The following PLCG2 variants were observed in gnomAD, a reference collection of about 807,000 sequenced individuals.
PLCG2 encodes the protein 1-phosphatidylinositol 4,5-bisphosphate phosphodiesterase gamma-2.
A neutral mutation model predicts 175.6 loss-of-function variants in PLCG2; 69 were observed. The observed-to-expected ratio is 0.39, with a 90% CI of 0.32 to 0.48. The LOEUF is 0.48. PLCG2 is among the 20% of genes least tolerant of loss of function. The pLI is 0.91. For synonymous variants in PLCG2, 827 were observed against 624.0 expected (o/e 1.33, Z -4.85); for missense variants, 1,798 against 1,650.9 (o/e 1.09, Z -1.54).
At chr16:81,884,429 G>C (rs1437067045) in intron 9 of PLCG2, among the ~76,000 whole-genome samples, 1 of 151,870 alleles carries the variant, frequency 6.6e-6, no homozygotes, top group Admixed American at 6.6e-5. Flanking sequence ...AGTACCTACA[G>C]TGCTGAGGAC....
At chr16:81,778,032 C>CACACAA (rs1910498575), upstream of PLCG2, among the ~76,000 whole-genome samples, 2 of 58,710 alleles carry the variant, frequency 3.4e-5, no homozygotes, top group African/African-American at 1.7e-4. Context: ...AAAAAAAAAA[C>CACACAA]AAAAAAAAAA....
In PLCG2 at chr16:81,960,435, G is replaced by C; in HGVS notation, c.*2437G>C. 1 of 227,132 alleles carries C rather than the reference G, an allele frequency of 4.4e-6. No individual in the cohort carries two copies. Among genetic ancestry groups the C allele is most frequent in the Non-Finnish European group, 8.7e-6 (1 of 114,356 alleles). 14.1% of individuals were successfully genotyped at this position (227,132 alleles called of 1,614,324 possible). A position where few individuals can be genotyped will look rare whatever the true frequency, so the allele number is the denominator to read the frequency against. Reference sequence around the variant, plus strand: ...ACTGCATATGTATTACACTGTTTTTGTTCACCATTTTCCTAAGTGTGTTAT... The same window carrying C: ...ACTGCATATGTATTACACTGTTTTTCTTCACCATTTTCCTAAGTGTGTTAT... On this transcript the variant is annotated 3_prime_UTR_variant, in exon 33 of 33. Transcript: ENST00000564138.
chr16:81,952,680 G>A (rs781119410), intron 31 of PLCG2, among the ~76,000 whole-genome samples: 5 of 152,202 alleles, frequency 3.3e-5, no homozygotes, highest in Middle Eastern at 6.3e-3. Context: ...GTGAATGAAT[G>A]AATACATGAC....
chr16:81,777,610 C>T (rs183892919), upstream of PLCG2, among the ~76,000 whole-genome samples: 9 of 151,674 alleles, frequency 5.9e-5, no homozygotes, highest in South Asian at 1.5e-3. Context: ...CAGCTATACA[C>T]GCCAGTTGGG....
At chr16:81,845,485 G>T (rs1226492496) in intron 2 of PLCG2, among the ~76,000 whole-genome samples, 1 of 152,266 alleles carries the variant, frequency 6.6e-6, no homozygotes, top group Non-Finnish European at 1.5e-5. Context: ...TGAAGTTACT[G>T]TCCAAAGCTA....
chr16:81,859,766 GA>G (rs1906874551), intron 5 of PLCG2, among the ~76,000 whole-genome samples: 1 of 152,130 alleles, frequency 6.6e-6, no homozygotes, highest in Non-Finnish European at 1.5e-5. Context: ...TTGAACTCCT[GA>G]CCTTGTGATC....
At chr16:81,946,806 A>T (rs1234686576) in intron 31 of PLCG2, among the ~76,000 whole-genome samples, 1 of 152,064 alleles carries the variant, frequency 6.6e-6, no homozygotes, top group Non-Finnish European at 1.5e-5. Context: ...ATATAGAATT[A>T]GTGGGATCAA....
intron 2 of PLCG2, among the ~76,000 whole-genome samples, chr16:81,846,816 A>G: frequency 6.6e-6 from 1 of 152,216 alleles, no homozygotes; most frequent in East Asian, 1.9e-4. Context: ...CAGAGAAAGG[A>G]AAAATCAAGG....
Position 81,959,045 on chromosome 16 carries a change from C to T in PLCG2, c.*1047C>T. Reference sequence around the variant, plus strand: ...ATGTGCGGCTGGCCAGGGCTTTACACCTCTGCATCTTAAGTTGTTAATACA... The same window carrying T: ...ATGTGCGGCTGGCCAGGGCTTTACATCTCTGCATCTTAAGTTGTTAATACA... On this transcript the variant is annotated 3_prime_UTR_variant, in exon 33 of 33. Transcript: ENST00000564138. 1 of 223,052 alleles carries T rather than the reference C, an allele frequency of 4.5e-6. No homozygotes were observed. Among genetic ancestry groups the T allele is most frequent in the South Asian group, 1.8e-4 (1 of 5,442 alleles). 13.8% of individuals were successfully genotyped at this position (223,052 alleles called of 1,614,324 possible). A position where few individuals can be genotyped will look rare whatever the true frequency, so the allele number is the denominator to read the frequency against.
intron 2 of PLCG2, among the ~76,000 whole-genome samples, chr16:81,804,132 T>C (rs1249553155): frequency 6.6e-6 from 1 of 152,254 alleles, no homozygotes; most frequent in African/African-American, 2.4e-5. Context: ...GCCAAGACTG[T>C]TTGCCAAAGC....
rs534802412 is a variant in PLCG2 at position 81,760,979 on chromosome 16, C to T, written c.-48+5013C>T. On this transcript the variant is annotated intron_variant, in intron 2 of 5. Coordinates refer to the PLCG2 transcript ENST00000565054. ...AATGCAGTGGCGTGATCTCAGCTCA[C>T]GGCAACAGCGACCTCCTGGGCTCAG... Among the ~76,000 whole-genome samples the T allele has an allele frequency of 3.9e-5, 6 of 152,206 alleles. No individual in the cohort carries two copies. In the South Asian group the frequency reaches 6.2e-4, roughly 16 times the overall value.
chr16:81,945,557 G>C (rs1010678397), intron 30 of PLCG2, among the ~76,000 whole-genome samples: 1 of 152,192 alleles, frequency 6.6e-6, no homozygotes, highest in Non-Finnish European at 1.5e-5. Context: ...GAGATGTGTT[G>C]CCTTAAACAT....
chr16:81,882,291 C>T (rs752411305), intron 8 of PLCG2, among the ~76,000 whole-genome samples: 4 of 152,110 alleles, frequency 2.6e-5, no homozygotes, highest in Admixed American at 6.5e-5. Context: ...TGCCTTTATT[C>T]GGAGTGTAGT....
chr16:81,777,976 C>T (rs1250267436), upstream of PLCG2, among the ~76,000 whole-genome samples: 2 of 140,582 alleles, frequency 1.4e-5, no homozygotes, highest in Admixed American at 1.6e-4. Context: ...GAGATCGTGC[C>T]ACTGCACTCC....
chr16:81,927,500 T>C (rs1202680285), intron 23 of PLCG2, among the ~76,000 whole-genome samples: 1 of 152,132 alleles, frequency 6.6e-6, no homozygotes, highest in African/African-American at 2.4e-5. Flanking sequence ...ATGAAACACA[T>C]TTATATTGGA....
At chr16:81,936,793 C>T (rs1696465194) in intron 27 of PLCG2, among the ~76,000 whole-genome samples, 1 of 152,220 alleles carries the variant, frequency 6.6e-6, no homozygotes, top group African/African-American at 2.4e-5. Flanking sequence ...AAAGTGATCG[C>T]ATAAATCACG....
At chr16:81,931,288 G>A (rs1399141729) in intron 24 of PLCG2, 5 of 423,002 alleles carry the variant, frequency 1.2e-5, no homozygotes, top group African/African-American at 4.0e-5. Flanking sequence ...ACATCTTTTC[G>A]GAGGACCCTA....
At position 81,958,666 on chromosome 16, in the gene PLCG2, CTT is replaced by C; in HGVS notation, c.*670_*671del. On this transcript the variant is annotated 3_prime_UTR_variant, in exon 33 of 33. Transcript: ENST00000564138. ...ATGGAGGGTAGGAATCTTGGGGCCTCTTTGTTTTAAAAAGCCCATCAGAGAGA... is the reference window on the plus strand; with the variant it reads ...ATGGAGGGTAGGAATCTTGGGGCCTCTGTTTTAAAAAGCCCATCAGAGAGA... The C allele has an allele frequency of 4.5e-6, 1 of 223,242 alleles. No individual in the cohort carries two copies. Among genetic ancestry groups the C allele is most frequent in the Non-Finnish European group, 8.9e-6 (1 of 111,766 alleles). The allele number at this position is 223,242 out of a possible 1,614,324, so 13.8% of individuals were successfully genotyped here.
At chr16:81,776,109 C>T (rs1332833332), upstream of PLCG2, among the ~76,000 whole-genome samples, 1 of 46,274 alleles carries the variant, frequency 2.2e-5, no homozygotes, top group Non-Finnish European at 5.5e-5. Flanking sequence ...TTTTTTCCTT[C>T]TTTCTTTTTT....
Sources: allele counts gnomAD v4.1 joint callset (sites outside exome capture counted in the v4.1 genomes callset), GRCh38; gene constraint gnomAD v4.1.1; transcripts MANE v1.5; gene names NCBI Gene and HGNC (gene_info 2026-07-23, HGNC 2026-07-21).